DNAH11: variants seen among roughly 807,000 people sequenced by gnomAD.
DNAH11 encodes axonemal beta dynein heavy chain 11.
In DNAH11, 442 loss-of-function variants were observed where a neutral mutation model predicts 526.0. The observed-to-expected ratio is 0.84, with a 90% CI of 0.78 to 0.91. The LOEUF (loss-of-function observed/expected upper bound fraction) is 0.91, where lower values mean the gene tolerates loss of function less well. Ranked by LOEUF, DNAH11 falls within the 40% of genes least tolerant of loss-of-function variation. DNAH11 has a pLI of 0.00. For synonymous variants in DNAH11, 2,461 were observed against 1,935.9 expected (o/e 1.27, Z -7.12); for missense variants, 6,989 against 5,448.7 (o/e 1.28, Z -8.90).
chr7:21,572,912 G>A (rs1354401907), intron 8 of DNAH11, among the ~76,000 whole-genome samples: 1 of 152,168 alleles, frequency 6.6e-6, no homozygotes, highest in Non-Finnish European at 1.5e-5. Flanking sequence ...CATCCCCAAA[G>A]CCTTGTAAGA....
chr7:21,840,912 T>A (rs896127956), intron 65 of DNAH11, among the ~76,000 whole-genome samples: 11 of 152,008 alleles, frequency 7.2e-5, no homozygotes, highest in Admixed American at 2.0e-4. Flanking sequence ...CTGGGTGAGG[T>A]GCCTCACACC....
At chr7:21,836,953 C>G (rs528904139) in intron 65 of DNAH11, among the ~76,000 whole-genome samples, 2 of 152,012 alleles carry the variant, frequency 1.3e-5, no homozygotes, top group East Asian at 3.9e-4. Flanking sequence ...ATAGACATTT[C>G]TCAGAAGACA....
At chr7:21,603,136 A>C (rs1179460886) in intron 18 of DNAH11, among the ~76,000 whole-genome samples, 1 of 152,208 alleles carries the variant, frequency 6.6e-6, no homozygotes, top group Admixed American at 6.5e-5. Context: ...TAGATATTTC[A>C]GATAGATGGA....
At chr7:21,798,487 C>G (rs1788817178) in intron 61 of DNAH11, among the ~76,000 whole-genome samples, 1 of 152,222 alleles carries the variant, frequency 6.6e-6, no homozygotes, top group East Asian at 1.9e-4. Flanking sequence ...AGTATTTACT[C>G]TGTCTCTTCA....
In DNAH11 at chr7:21,588,612, C is replaced by T. The variant is rs755002843; in HGVS notation, c.1949C>T (p.Ser650Leu). 1.1e-5 allele frequency: 18 copies of T among 1,613,564 alleles called. No homozygotes were observed. The highest frequency in any genetic ancestry group is 3.3e-5 in the Admixed American group (2 of 60,022). Residue 650 changes from serine to leucine, a missense_variant, in exon 11 of 82, where the codon TCA (serine) becomes TTA (leucine). By Grantham distance (145) the Ser-to-Leu change is moderately radical. Transcript: ENST00000409508. ...CTCCAACGACTTCAAATGTTTTGGT[C>T]AAACTTCGCATCTCTCCGTTATCTG... Reference protein sequence around the residue: ...QVLQRLQMFWSNFASLRYLFL... With the variant: ...QVLQRLQMFWLNFASLRYLFL...
At chr7:21,841,838 C>G (rs111792029) in intron 65 of DNAH11, among the ~76,000 whole-genome samples, 1 of 152,210 alleles carries the variant, frequency 6.6e-6, no homozygotes, top group African/African-American at 2.4e-5. Context: ...AAAAGCCCTT[C>G]TCAAGCCTGC....
At chr7:21,805,198 C>T (rs1789207735) in intron 62 of DNAH11, among the ~76,000 whole-genome samples, 1 of 152,200 alleles carries the variant, frequency 6.6e-6, no homozygotes, top group Non-Finnish European at 1.5e-5. Flanking sequence ...ACATATGCAT[C>T]TCTATTTTCT....
chr7:21,836,019 T>TA (rs150710659), intron 65 of DNAH11, among the ~76,000 whole-genome samples: 1 of 151,384 alleles, frequency 6.6e-6, no homozygotes, highest in Non-Finnish European at 1.5e-5. Context: ...ACCAAATAAA[T>TA]AAAAAACCTA....
chr7:21,627,264 C>T (rs964171968), intron 25 of DNAH11, among the ~76,000 whole-genome samples: 1 of 152,162 alleles, frequency 6.6e-6, no homozygotes, highest in African/African-American at 2.4e-5. Flanking sequence ...TGTGCAGAAG[C>T]ATTTTGTCTT....
In DNAH11 at chr7:21,868,872, C is replaced by G. The variant is rs992308059; in HGVS notation, c.11848C>G (p.Leu3950Val). The G allele has an allele frequency of 6.2e-7, 1 of 1,613,958 alleles. No homozygotes were observed. Among genetic ancestry groups the G allele is most frequent in the Non-Finnish European group, 8.5e-7 (1 of 1,179,864 alleles). ...LKDLEILGKRLGFTIDSGKFH... is the reference protein window; with the variant it reads ...LKDLEILGKRVGFTIDSGKFH... ...GGTGTATTCTCCCACAGGCAAAAGA[C>G]TTGGCTTTACAATTGACTCTGGAAA... The change falls in exon 73 of 82, where the codon CTT becomes GTT. Residue 3950 changes from leucine (L) to valine (V), a missense_variant. By Grantham distance (32) the Leu-to-Val change is conservative. Transcript: ENST00000409508.
chr7:21,775,112 C>A (rs191674104), intron 56 of DNAH11, among the ~76,000 whole-genome samples: 26 of 152,240 alleles, frequency 1.7e-4, no homozygotes, highest in African/African-American at 6.0e-4. Context: ...CCACTTGCCT[C>A]TTTTTCTCTT....
chr7:21,794,955 G>A (rs1286634713), intron 61 of DNAH11, among the ~76,000 whole-genome samples: 6 of 152,084 alleles, frequency 3.9e-5, no homozygotes, highest in Non-Finnish European at 4.4e-5. Flanking sequence ...AAATAGGGAC[G>A]TTCTTTCTTC....
intron 56 of DNAH11, among the ~76,000 whole-genome samples, chr7:21,778,118 T>C (rs977406163): frequency 6.6e-6 from 1 of 152,202 alleles, no homozygotes; most frequent in African/African-American, 2.4e-5. Flanking sequence ...CTTCTGCTTT[T>C]AGTTACATGA....
intron 73 of DNAH11, among the ~76,000 whole-genome samples, chr7:21,870,136 G>A (rs1283926499): frequency 6.6e-6 from 1 of 152,210 alleles, no homozygotes; most frequent in Admixed American, 6.5e-5. Flanking sequence ...CCGAGTGGCT[G>A]GAGAGCCTCA....
intron 29 of DNAH11, among the ~76,000 whole-genome samples, chr7:21,658,376 T>G (rs566649683): frequency 6.6e-6 from 1 of 152,238 alleles, no homozygotes; most frequent in South Asian, 2.1e-4. Flanking sequence ...TTAACTGAAT[T>G]TTTATTATTA....
intron 70 of DNAH11, among the ~76,000 whole-genome samples, chr7:21,865,967 C>G (rs571136450): frequency 6.6e-6 from 1 of 152,266 alleles, no homozygotes; most frequent in South Asian, 2.1e-4. Flanking sequence ...GTGAGGACAA[C>G]CAGAGGTCAC....
At chr7:21,809,379 C>G (rs1308108573) in intron 63 of DNAH11, among the ~76,000 whole-genome samples, 1 of 152,084 alleles carries the variant, frequency 6.6e-6, no homozygotes, top group Non-Finnish European at 1.5e-5. Flanking sequence ...GAGCAGAAGC[C>G]TTTAGCTTGA....
chr7:21,787,266 C>G, intron 59 of DNAH11, 135 bp from the exon 60 acceptor site: 1 of 772,784 alleles, frequency 1.3e-6, no homozygotes, highest in Non-Finnish European at 2.0e-6. Context: ...CTGAAAAAGT[C>G]AAACAGTAGG....
intron 52 of DNAH11, 114 bp from the exon 53 acceptor site, chr7:21,749,564 C>G: frequency 1.5e-6 from 2 of 1,371,556 alleles, no homozygotes; most frequent in Non-Finnish European, 9.9e-7. Flanking sequence ...CAGGGAAAGG[C>G]ACCCCACAGT....
Sources: allele counts gnomAD v4.1 joint callset (sites outside exome capture counted in the v4.1 genomes callset), GRCh38; gene constraint gnomAD v4.1.1; transcripts MANE v1.5; gene names NCBI Gene and HGNC (gene_info 2026-07-23, HGNC 2026-07-21).